Variants in ZC3H10 observed in about 807,000 individuals in gnomAD.
The protein encoded by ZC3H10 is zinc finger CCCH-type containing 10.
A neutral mutation model predicts 24.3 loss-of-function variants in ZC3H10; 12 were observed. The observed-to-expected ratio is 0.49, with a 90% CI of 0.32 to 0.80. The LOEUF (loss-of-function observed/expected upper bound fraction) is 0.80, where lower values mean the gene tolerates loss of function less well. Among genes scored for constraint, ZC3H10 ranks in the 30% least tolerant of loss-of-function variants. The probability of loss-of-function intolerance (pLI) is 0.04; values close to 1 mark genes in which losing one functional copy is unlikely to be tolerated. For synonymous variants in ZC3H10, 226 were observed against 217.0 expected (o/e 1.04, Z -0.36); for missense variants, 360 against 576.3 (o/e 0.62, Z 3.84).
Position 56,120,497 on chromosome 12 carries a change from C to T in ZC3H10, c.-52-14C>T. 2.7e-6 allele frequency: 4 copies of T among 1,458,760 alleles called. No homozygotes were observed. The highest frequency in any genetic ancestry group is 3.6e-6 in the Non-Finnish European group (4 of 1,112,226). 90.4% of individuals were successfully genotyped at this position (1,458,760 alleles called of 1,614,324 possible). On this transcript the variant is annotated splice_polypyrimidine_tract_variant and intron_variant, in intron 2 of 2. Coordinates refer to ENST00000257940, the MANE Select transcript of ZC3H10 (RefSeq NM_032786.3). The stretch of plus-strand genomic sequence containing the variant: ...TGGAGGACTCCTGTTTGATACAGTT[C>T]TCCTCTTTTGTAGTGGTCACCAAGA...
Position 56,124,535 on chromosome 12 carries a change from G to C in ZC3H10, c.*2668G>C, listed in dbSNP as rs1367044121. On this transcript the variant is annotated 3_prime_UTR_variant, in exon 3 of 3. Coordinates refer to ENST00000257940, the MANE Select transcript of ZC3H10 (RefSeq NM_032786.3). ...CAAATGGCTCTGGTTAAAAAATAAT[G>C]AGAAAAAAATAGTAGCATTTGGTAG... 2 of 152,148 alleles carry C rather than the reference G, an allele frequency of 1.3e-5. No individual in the cohort carries two copies. Among genetic ancestry groups the C allele is most frequent in the Non-Finnish European group, 2.9e-5 (2 of 68,004 alleles). 9.4% of individuals were successfully genotyped at this position (152,148 alleles called of 1,614,324 possible).
At position 56,127,008 on chromosome 12, in the gene ZC3H10, C is replaced by T. The variant is rs1221742684; in HGVS notation, c.*5141C>T. On this transcript the variant is annotated 3_prime_UTR_variant, in exon 3 of 3. Coordinates refer to ENST00000257940, the MANE Select transcript of ZC3H10 (RefSeq NM_032786.3). ...ACTTCCTCTAAGAAATGGCTAGTTT[C>T]TTCCCAGTGATCAACCCCAGTTCTT... 6.6e-6 allele frequency: 1 copy of T among 152,204 alleles called. No individual in the cohort carries two copies. Among genetic ancestry groups the T allele is most frequent in the Admixed American group, 6.5e-5 (1 of 15,280 alleles). The allele number at this position is 152,204 out of a possible 1,614,324, so 9.4% of individuals were successfully genotyped here.
chr12:56,123,466 G>A lies in ZC3H10; in HGVS notation c.*1599G>A, dbSNP rs1266907767. The A allele has an allele frequency of 6.8e-6, 1 of 147,900 alleles. No individual in the cohort carries two copies. Among genetic ancestry groups the A allele is most frequent in the African/African-American group, 2.5e-5 (1 of 39,842 alleles). 9.2% of individuals were successfully genotyped at this position (147,900 alleles called of 1,614,324 possible). A position where few individuals can be genotyped will look rare whatever the true frequency, so the allele number is the denominator to read the frequency against. On this transcript the variant is annotated 3_prime_UTR_variant, in exon 3 of 3. Transcript: ENST00000257940. ...GAGATGGAGTCTTGCCCAGTCACCA[G>A]ACCGGAGTGCAGTGGCGCAATCTCG... is the stretch of plus-strand genomic sequence containing the variant.
Position 56,120,612 on chromosome 12 carries a change from G to T in ZC3H10, c.50G>T (p.Gly17Val), listed in dbSNP as rs2136855679. Residue 17 changes from glycine to valine, a missense_variant, in exon 3 of 3, where the codon GGC (glycine) becomes GTC (valine). Transcript: ENST00000257940. ...AACGGTACCGGGAGCAGCGGTGGAG[G>T]CCCTGGAGGTGGTGGCAGCGAGGAG... Reference protein sequence around the residue: ...YANGTGSSGGGPGGGGSEEAS... With the variant: ...YANGTGSSGGVPGGGGSEEAS... The T allele has an allele frequency of 6.3e-7, 1 of 1,589,978 alleles. No individual in the cohort carries two copies. The highest frequency in any genetic ancestry group is 2.2e-5 in the East Asian group (1 of 44,694).
In ZC3H10 at chr12:56,124,596, C is replaced by T. The variant is rs965468664; in HGVS notation, c.*2729C>T. On this transcript the variant is annotated 3_prime_UTR_variant, in exon 3 of 3. Coordinates refer to ENST00000257940, the MANE Select transcript of ZC3H10 (RefSeq NM_032786.3). ...AACACTTGTACTTAGTGTTGGTTAG[C>T]GCATTTATGTTAGAGAAATCTCTGT... 3.3e-5 allele frequency: 5 copies of T among 152,176 alleles called. No homozygotes were observed. Among genetic ancestry groups the T allele is most frequent in the Admixed American group, 6.5e-5 (1 of 15,276 alleles). 9.4% of individuals were successfully genotyped at this position (152,176 alleles called of 1,614,324 possible).
rs1452601285 is a variant in ZC3H10, at chr12:56,126,260, TCTC to T, written c.*4399_*4401del. 1 of 152,238 alleles carries T rather than the reference TCTC, an allele frequency of 6.6e-6. No homozygotes were observed. Among genetic ancestry groups the T allele is most frequent in the African/African-American group, 2.4e-5 (1 of 41,448 alleles). 9.4% of individuals were successfully genotyped at this position (152,238 alleles called of 1,614,324 possible). On this transcript the variant is annotated 3_prime_UTR_variant, in exon 3 of 3. Coordinates refer to ENST00000257940, the MANE Select transcript of ZC3H10 (RefSeq NM_032786.3). ...TTGCAAGTCCAGGAAGTTTACTCTC[TCTC>T]CTCCTGTAGGCCTCATCCTGTAAGA...
chr12:56,121,473 C>CT lies in ZC3H10; in HGVS notation c.915dup (p.Asn306Ter). 6.2e-7 allele frequency: 1 copy of CT among 1,611,554 alleles called. No homozygotes were observed. On this transcript the variant is annotated frameshift_variant, in exon 3 of 3. Coordinates refer to ENST00000257940, the MANE Select transcript of ZC3H10 (RefSeq NM_032786.3). LOFTEE classifies it high-confidence loss of function. The surrounding 1 kb of genome is among the most constrained non-coding windows in gnomAD (Gnocchi z 6.2). ...GCCCCCACTGTGGGCACTGTTGCCA[C>CT]TTTTAACCATGGCATTGCCCAGACT...
At position 56,120,762 on chromosome 12, in the gene ZC3H10, C is replaced by T. The variant is rs1218594232; in HGVS notation, c.200C>T (p.Ser67Phe). ...CGCCACCCAGACATGAGCGAGGTGT[C>T]CAACTTGGGGGTGAGCAAAAACGAG... ...RYRHPDMSEV[S>F]NLGVSKNEFI... The change falls in exon 3 of 3, where the codon TCC becomes TTC. Residue 67 changes from serine to phenylalanine, a missense_variant. By Grantham distance (155) the Ser-to-Phe change is radical (BLOSUM62 -2). Transcript: ENST00000257940. 1 of 1,613,996 alleles carries T rather than the reference C, an allele frequency of 6.2e-7. No homozygotes were observed. The highest frequency in any genetic ancestry group is 1.3e-5 in the African/African-American group (1 of 74,900).
At position 56,125,332 on chromosome 12, in the gene ZC3H10, G is replaced by T. The variant is rs1329273452; in HGVS notation, c.*3465G>T. On this transcript the variant is annotated 3_prime_UTR_variant, in exon 3 of 3. Coordinates refer to ENST00000257940, the MANE Select transcript of ZC3H10 (RefSeq NM_032786.3). ...TGCTCACTGCAAACTCTGCCTCCAG[G>T]GTTTACGCCATTCTGCTGCCTCAGC... 6.6e-6 allele frequency: 1 copy of T among 151,226 alleles called. No individual in the cohort carries two copies. The highest frequency in any genetic ancestry group is 2.1e-4 in the South Asian group (1 of 4,802). The allele number at this position is 151,226 out of a possible 1,614,324, so 9.4% of individuals were successfully genotyped here. A position where few individuals can be genotyped will look rare whatever the true frequency, so the allele number is the denominator to read the frequency against.
In ZC3H10 at chr12:56,120,518, C is replaced by T. The variant is rs1275162775; in HGVS notation, c.-45C>T. 2 of 1,489,636 alleles carry T rather than the reference C, an allele frequency of 1.3e-6. No individual in the cohort carries two copies. The highest frequency in any genetic ancestry group is 2.8e-5 in the African/African-American group (2 of 71,282). The allele number at this position is 1,489,636 out of a possible 1,614,324, so 92.3% of individuals were successfully genotyped here. A position where few individuals can be genotyped will look rare whatever the true frequency, so the allele number is the denominator to read the frequency against. ...AGTTCTCCTCTTTTGTAGTGGTCAC[C>T]AAGAGTGGCAAGATAAAGAAAACCC... On this transcript the variant is annotated 5_prime_UTR_variant, in exon 3 of 3. Coordinates refer to ENST00000257940, the MANE Select transcript of ZC3H10 (RefSeq NM_032786.3).
intron 2 of ZC3H10, chr12:56,120,162 A>G: frequency 1.0e-6 from 1 of 990,832 alleles, no homozygotes; most frequent in Non-Finnish European, 1.2e-6. Context: ...CACTATTCCC[A>G]GTTTCCTTCC....
Position 56,126,054 on chromosome 12 carries a change from G to C in ZC3H10, c.*4187G>C, listed in dbSNP as rs892463120. 6.6e-6 allele frequency: 1 copy of C among 152,220 alleles called. No homozygotes were observed. The highest frequency in any genetic ancestry group is 2.4e-5 in the African/African-American group (1 of 41,440). The allele number at this position is 152,220 out of a possible 1,614,324, so 9.4% of individuals were successfully genotyped here. A position where few individuals can be genotyped will look rare whatever the true frequency, so the allele number is the denominator to read the frequency against. ...GATCCAACTGCCTCGGCCTTCCAAA[G>C]TGCTGGGATTACAGGCATGAGCCAC... On this transcript the variant is annotated 3_prime_UTR_variant, in exon 3 of 3. Coordinates refer to ENST00000257940, the MANE Select transcript of ZC3H10 (RefSeq NM_032786.3).
rs202024593 is a variant in ZC3H10 at position 56,120,665 on chromosome 12, G to A, written c.103G>A (p.Gly35Arg). ...CAGTGGGGCAGGGGTAGGCAGTGGC[G>A]GGGCCAGCTCAGATGCCATCTGTAG... ...EASGAGVGSG[G>R]ASSDAICRDF... The change falls in exon 3 of 3, where the codon GGG becomes AGG. Residue 35 changes from glycine to arginine, a missense_variant. Physicochemically the swap from Gly to Arg is moderately radical, Grantham distance 125. Coordinates refer to ENST00000257940, the MANE Select transcript of ZC3H10 (RefSeq NM_032786.3). The A allele has an allele frequency of 6.2e-4, 990 of 1,596,010 alleles. 2 individuals carry two copies. The highest frequency in any genetic ancestry group is 1.4e-3 in the South Asian group (124 of 87,734).
At chr12:56,119,676 G>A (rs1413286035) in intron 2 of ZC3H10, 1 of 152,066 alleles carries the variant, frequency 6.6e-6, no homozygotes, top group Non-Finnish European at 1.5e-5. Context: ...TGGGAAATAG[G>A]AGACTTAAAA....
At position 56,124,498 on chromosome 12, in the gene ZC3H10, A is replaced by AT. The variant is rs1458212004; in HGVS notation, c.*2637dup. 2 of 152,176 alleles carry AT rather than the reference A, an allele frequency of 1.3e-5. No homozygotes were observed. Among genetic ancestry groups the AT allele is most frequent in the Admixed American group, 6.5e-5 (1 of 15,282 alleles). The allele number at this position is 152,176 out of a possible 1,614,324, so 9.4% of individuals were successfully genotyped here. A position where few individuals can be genotyped will look rare whatever the true frequency, so the allele number is the denominator to read the frequency against. On this transcript the variant is annotated 3_prime_UTR_variant, in exon 3 of 3. Transcript: ENST00000257940. Reference sequence around the variant, plus strand: ...AAATTACGGGTCAGTTAATCGTAGCATTTTTTCCATGCAAATGGCTCTGGT... The same window carrying AT: ...AAATTACGGGTCAGTTAATCGTAGCATTTTTTTCCATGCAAATGGCTCTGGT...
In ZC3H10 at chr12:56,126,260, T is replaced by C. The variant is rs1869989568; in HGVS notation, c.*4393T>C. 6.6e-6 allele frequency: 1 copy of C among 152,238 alleles called. No homozygotes were observed. Among genetic ancestry groups the C allele is most frequent in the Non-Finnish European group, 1.5e-5 (1 of 68,058 alleles). The allele number at this position is 152,238 out of a possible 1,614,324, so 9.4% of individuals were successfully genotyped here. A position where few individuals can be genotyped will look rare whatever the true frequency, so the allele number is the denominator to read the frequency against. Reference sequence around the variant, plus strand: ...TTGCAAGTCCAGGAAGTTTACTCTCTCTCCTCCTGTAGGCCTCATCCTGTA... The same window carrying C: ...TTGCAAGTCCAGGAAGTTTACTCTCCCTCCTCCTGTAGGCCTCATCCTGTA... On this transcript the variant is annotated 3_prime_UTR_variant, in exon 3 of 3. Transcript: ENST00000257940.
At position 56,122,443 on chromosome 12, in the gene ZC3H10, T is replaced by C. The variant is rs1164145868; in HGVS notation, c.*576T>C. ...TACCCTAGTTTGACCTGAAAATCCA[T>C]AGGGCAGGGCCCACTACTTTCCAAA... On this transcript the variant is annotated 3_prime_UTR_variant, in exon 3 of 3. Coordinates refer to ENST00000257940, the MANE Select transcript of ZC3H10 (RefSeq NM_032786.3). 5 of 167,416 alleles carry C rather than the reference T, an allele frequency of 3.0e-5. No homozygotes were observed. The highest frequency in any genetic ancestry group is 1.3e-4 in the Admixed American group (2 of 15,288). 10.4% of individuals were successfully genotyped at this position (167,416 alleles called of 1,614,324 possible).
In ZC3H10 at chr12:56,121,893, A is replaced by G; in HGVS notation, c.*26A>G. 1 of 1,570,280 alleles carries G rather than the reference A, an allele frequency of 6.4e-7. No individual in the cohort carries two copies. Among genetic ancestry groups the G allele is most frequent in the Non-Finnish European group, 8.7e-7 (1 of 1,155,284 alleles). On this transcript the variant is annotated 3_prime_UTR_variant, in exon 3 of 3. Coordinates refer to ENST00000257940, the MANE Select transcript of ZC3H10 (RefSeq NM_032786.3). This position sits in a 1 kb window ranked among gnomAD's most constrained non-coding sequence, Gnocchi z 6.2. ...TGGGGCTAATGGACACTCCCCTGGT[A>G]TAGCCTCGCAGGGCTGGGGTCAGGG... is the stretch of plus-strand genomic sequence containing the variant.
chr12:56,124,171 GTCAC>G lies in ZC3H10; in HGVS notation c.*2310_*2313del, dbSNP rs1869927375. On this transcript the variant is annotated 3_prime_UTR_variant, in exon 3 of 3. Transcript: ENST00000257940. ...GAACCTAAGCACAGTCGATGATGAA[GTCAC>G]TCACTAGCTGGGAAAGGGGATGTTT... 1 of 152,244 alleles carries G rather than the reference GTCAC, an allele frequency of 6.6e-6. No homozygotes were observed. The highest frequency in any genetic ancestry group is 6.5e-5 in the Admixed American group (1 of 15,284). The allele number at this position is 152,244 out of a possible 1,614,324, so 9.4% of individuals were successfully genotyped here.
Sources: gnomAD v4.1 joint callset for allele counts on GRCh38, gnomAD v4.1.1 for gene constraint, Gnocchi (gnomAD v3.1) non-coding constraint, MANE v1.5 for transcripts, NCBI Gene and HGNC (gene_info 2026-07-23, HGNC 2026-07-21) for gene names.